Variants in GPC5 observed in about 807,000 individuals in gnomAD.
GPC5 encodes the protein glypican 5.
Under a neutral mutation model 53.9 loss-of-function variants are expected in GPC5, and 47 were observed. The ratio of observed to expected loss-of-function variants is 0.87; its 90% CI spans 0.69 to 1.11. The LOEUF (loss-of-function observed/expected upper bound fraction) is 1.11. Ranked by LOEUF, GPC5 falls within the 50% of genes most tolerant of loss-of-function variation. The pLI, the probability that GPC5 is intolerant of heterozygous loss-of-function variation, is 0.00. For missense variants in GPC5, 748 were observed against 713.1 expected, an observed-to-expected ratio of 1.05 and a Z score of -0.56; for synonymous variants, 286 against 263.3, an observed-to-expected ratio of 1.09 and a Z score of -0.84.
intron 5 of GPC5, among the ~76,000 whole-genome samples, chr13:91,765,427 G>C (rs9583964): frequency 0.012 from 1,836 of 152,318 alleles, 34 homozygotes; most frequent in African/African-American, 0.042. Context: ...AGGGGTGTAT[G>C]CCATCTATTG....
At chr13:92,221,096 AC>A (rs2139087721) in intron 7 of GPC5, among the ~76,000 whole-genome samples, 1 of 152,210 alleles carries the variant, frequency 6.6e-6, no homozygotes, top group East Asian at 1.9e-4. Context: ...TGGTCACTCA[AC>A]TCATGGCAAA....
At chr13:92,074,131 G>C (rs1158784542) in intron 6 of GPC5, among the ~76,000 whole-genome samples, 1 of 152,172 alleles carries the variant, frequency 6.6e-6, no homozygotes, top group African/African-American at 2.4e-5. Flanking sequence ...ATACATTGAG[G>C]ACACAAGTTT....
At chr13:92,769,358 T>G (rs545221431) in intron 7 of GPC5, among the ~76,000 whole-genome samples, 73 of 152,222 alleles carry the variant, frequency 4.8e-4, no homozygotes, top group Non-Finnish European at 9.1e-4. Context: ...ATGTCATTTG[T>G]CTTCCCTGGT....
At chr13:92,445,800 G>C (rs1877795978) in intron 7 of GPC5, among the ~76,000 whole-genome samples, 1 of 152,042 alleles carries the variant, frequency 6.6e-6, no homozygotes, top group African/African-American at 2.4e-5. Flanking sequence ...CTTTATAGCA[G>C]CATGATATTC....
At chr13:92,361,733 T>C (rs924554241) in intron 7 of GPC5, among the ~76,000 whole-genome samples, 5 of 151,694 alleles carry the variant, frequency 3.3e-5, no homozygotes, top group African/African-American at 1.2e-4. Context: ...AGGGTGCTGA[T>C]AATTTATCAA....
At chr13:92,349,327 T>C (rs2043455081) in intron 7 of GPC5, among the ~76,000 whole-genome samples, 2 of 152,086 alleles carry the variant, frequency 1.3e-5, no homozygotes. Context: ...ATATTTTTAG[T>C]AGAGATAGGG....
intron 7 of GPC5, among the ~76,000 whole-genome samples, chr13:92,672,187 T>C (rs1346858645): frequency 1.3e-5 from 2 of 152,210 alleles, no homozygotes; most frequent in Admixed American, 6.5e-5. Context: ...AACCTCATTT[T>C]GTTAATCTCT....
chr13:91,510,179 T>G (rs1885160909), intron 2 of GPC5, among the ~76,000 whole-genome samples: 1 of 152,206 alleles, frequency 6.6e-6, no homozygotes, highest in Non-Finnish European at 1.5e-5. Context: ...GCTATTTCCA[T>G]TGTTTAATTA....
At chr13:92,434,278 A>G (rs1877212133) in intron 7 of GPC5, among the ~76,000 whole-genome samples, 1 of 152,208 alleles carries the variant, frequency 6.6e-6, no homozygotes, top group Admixed American at 6.5e-5. Flanking sequence ...CATAACAACC[A>G]CTAAGAAATG....
chr13:91,651,402 G>GT (rs2034706216), intron 2 of GPC5, among the ~76,000 whole-genome samples: 2 of 152,144 alleles, frequency 1.3e-5, no homozygotes, highest in South Asian at 2.1e-4. Flanking sequence ...TTAACTCTAT[G>GT]TGCACTTTGG....
chr13:92,253,382 C>T (rs544666313), intron 7 of GPC5, among the ~76,000 whole-genome samples: 4 of 151,722 alleles, frequency 2.6e-5, no homozygotes, highest in Non-Finnish European at 5.9e-5. Context: ...TGATGAGAGA[C>T]CTGTCTGGGA....
At chr13:91,862,244 C>T (rs1381991716) in intron 5 of GPC5, among the ~76,000 whole-genome samples, 1 of 152,050 alleles carries the variant, frequency 6.6e-6, no homozygotes, top group African/African-American at 2.4e-5. Context: ...TTTAATTTTT[C>T]TGAAAACGTC....
chr13:91,528,261 A>G (rs970867111), intron 2 of GPC5, among the ~76,000 whole-genome samples: 1 of 152,204 alleles, frequency 6.6e-6, no homozygotes, highest in African/African-American at 2.4e-5. Flanking sequence ...GCTTTCAGAA[A>G]AAGCCAGGTC....
chr13:91,566,691 G>T (rs2031546641), intron 2 of GPC5, among the ~76,000 whole-genome samples: 1 of 152,078 alleles, frequency 6.6e-6, no homozygotes, highest in Admixed American at 6.6e-5. Flanking sequence ...ATAAATTTTT[G>T]AGAAACATAG....
In GPC5 at chr13:92,806,902, T is replaced by A. The variant is rs147092152; in HGVS notation, c.1562-59380T>A. ...TACAAGGACACACAAAGTGAACACA[T>A]CCTGTTGGGGAATTGGCACTGATAG... is the stretch of plus-strand genomic sequence containing the variant. On this transcript the variant is annotated intron_variant, in intron 7 of 7. Coordinates refer to ENST00000377067, the MANE Select transcript of GPC5 (RefSeq NM_004466.6). 1.0e-3 allele frequency among the ~76,000 whole-genome samples: 157 copies of A among 152,170 alleles called. 1 individual carries two copies. Among genetic ancestry groups the A allele is most frequent in the African/African-American group, 3.7e-3 (155 of 41,546 alleles).
chr13:92,344,333 A>T (rs9589513), intron 7 of GPC5, among the ~76,000 whole-genome samples: 1 of 151,894 alleles, frequency 6.6e-6, no homozygotes, highest in African/African-American at 2.4e-5. Context: ...CCATGATTCA[A>T]TTACCTCCCA....
intron 5 of GPC5, among the ~76,000 whole-genome samples, chr13:91,794,227 T>C (rs994940255): frequency 8.5e-5 from 13 of 152,194 alleles, no homozygotes; most frequent in Admixed American, 6.5e-4. Context: ...AAAGTTGAAC[T>C]AAGGACTTTT....
chr13:92,150,393 A>G (rs959396342), intron 7 of GPC5, among the ~76,000 whole-genome samples: 5 of 152,158 alleles, frequency 3.3e-5, no homozygotes, highest in Non-Finnish European at 7.4e-5. Flanking sequence ...TGAAAATTAT[A>G]CTAAAGAGAA....
chr13:91,408,079 C>T (rs1416629028), intron 1 of GPC5, among the ~76,000 whole-genome samples: 1 of 152,084 alleles, frequency 6.6e-6, no homozygotes, highest in Admixed American at 6.5e-5. Context: ...AACATTCACT[C>T]TCTTAGCATT....
Sources: allele counts gnomAD v4.1 joint callset (sites outside exome capture counted in the v4.1 genomes callset), GRCh38; gene constraint gnomAD v4.1.1; transcripts MANE v1.5; gene names NCBI Gene and HGNC (gene_info 2026-07-23, HGNC 2026-07-21).